MTHFD2L: variants seen among roughly 807,000 people sequenced by gnomAD.
The protein encoded by MTHFD2L is methylenetetrahydrofolate dehydrogenase (NADP+ dependent) 2 like.
MTHFD2L carries 29 observed loss-of-function variants against 34.9 expected under a neutral mutation model. The ratio of observed to expected loss-of-function variants is 0.83; its 90% CI spans 0.62 to 1.13. The LOEUF (loss-of-function observed/expected upper bound fraction) is 1.13, where lower values mean the gene tolerates loss of function less well. Ranked by LOEUF, MTHFD2L falls within the 50% of genes most tolerant of loss-of-function variation. MTHFD2L has a pLI of 0.00. For missense variants in MTHFD2L, 481 were observed against 446.5 expected (o/e 1.08, Z -0.70); for synonymous variants, 167 against 155.7 (o/e 1.07, Z -0.54).
chr4:74,225,083 C>T (rs542959000), intron 5 of MTHFD2L, among the ~76,000 whole-genome samples: 2 of 152,096 alleles, frequency 1.3e-5, no homozygotes, highest in African/African-American at 4.8e-5. Flanking sequence ...CGGCACTTAC[C>T]CTAATTTGGT....
intron 6 of MTHFD2L, among the ~76,000 whole-genome samples, chr4:74,248,071 G>T (rs1742749834): frequency 6.6e-6 from 1 of 151,858 alleles, no homozygotes; most frequent in Non-Finnish European, 1.5e-5. Context: ...GTTCCTCCTT[G>T]TACCTCTGGT....
chr4:74,235,277 A>G (rs1740682937), intron 6 of MTHFD2L, among the ~76,000 whole-genome samples: 1 of 152,192 alleles, frequency 6.6e-6, no homozygotes, highest in Non-Finnish European at 1.5e-5. Flanking sequence ...GTAGTTCTAC[A>G]CTAATACAGG....
intron 6 of MTHFD2L, among the ~76,000 whole-genome samples, chr4:74,264,751 T>A (rs1053426283): frequency 6.6e-6 from 1 of 151,996 alleles, no homozygotes; most frequent in African/African-American, 2.4e-5. Flanking sequence ...ATTGGTTGAG[T>A]TTCAGCAGCG....
intron 6 of MTHFD2L, among the ~76,000 whole-genome samples, chr4:74,251,470 C>T (rs1743300966): frequency 6.6e-6 from 1 of 152,130 alleles, no homozygotes. Flanking sequence ...TCTAATTATC[C>T]CAAACTCTTT....
upstream of MTHFD2L, among the ~76,000 whole-genome samples, chr4:74,154,811 G>A (rs1724145147): frequency 6.6e-6 from 1 of 152,058 alleles, no homozygotes; most frequent in African/African-American, 2.4e-5. Context: ...GTTGTTTTAG[G>A]CATTCTCAGC....
At chr4:74,161,083 T>G (rs1725348508) in intron 1 of MTHFD2L, 2 of 152,250 alleles carry the variant, frequency 1.3e-5, no homozygotes, top group African/African-American at 4.8e-5. Flanking sequence ...AAAAATTGTG[T>G]ACTGCCTACA....
rs554999018 is a variant in MTHFD2L at position 74,282,098 on chromosome 4, C to G, written c.931+548C>G. Among the ~76,000 whole-genome samples the G allele has an allele frequency of 2.9e-3, 448 of 152,036 alleles. 1 individual carries two copies. The highest frequency in any genetic ancestry group is 4.4e-3 in the Non-Finnish European group (297 of 67,972). On this transcript the variant is annotated intron_variant, in intron 7 of 7. Transcript: ENST00000325278. ...AAGTTTTTGTGGTCGATGAAAGATA[C>G]AAGGCAACAAATATGTAGTAGTAAA...
intron 1 of MTHFD2L, among the ~76,000 whole-genome samples, chr4:74,151,879 G>A (rs1056083669): frequency 2.0e-5 from 3 of 151,996 alleles, no homozygotes; most frequent in African/African-American, 4.8e-5. Flanking sequence ...GTCCCTACAG[G>A]TTCATTGTTA....
rs988076266 is a variant in MTHFD2L at position 74,302,305 on chromosome 4, A to G, written c.*496A>G. On this transcript the variant is annotated 3_prime_UTR_variant, in exon 8 of 8. Coordinates refer to ENST00000325278, the MANE Select transcript of MTHFD2L (RefSeq NM_001144978.3). ...TTGAAATATTGAAAATATTGAAAAT[A>G]TTATTATTGAAAATAAAATCTTGAT... 8 of 152,172 alleles carry G rather than the reference A, an allele frequency of 5.3e-5. No individual in the cohort carries two copies. Among genetic ancestry groups the G allele is most frequent in the African/African-American group, 1.9e-4 (8 of 41,468 alleles). 9.4% of individuals were successfully genotyped at this position (152,172 alleles called of 1,614,324 possible).
At chr4:74,185,151 C>CAAAAAAAAAAAAA (rs1169021073) in intron 3 of MTHFD2L, among the ~76,000 whole-genome samples, 1 of 15,980 alleles carries the variant, frequency 6.3e-5, no homozygotes, top group Non-Finnish European at 1.3e-4. Context: ...GACTCCATCT[C>CAAAAAAAAAAAAA]AAAAAAAAAA....
intron 6 of MTHFD2L, among the ~76,000 whole-genome samples, chr4:74,236,787 G>A (rs535680988): frequency 6.6e-6 from 1 of 152,308 alleles, no homozygotes; most frequent in East Asian, 1.9e-4. Flanking sequence ...TATGTCCCAT[G>A]AATATTATCA....
At chr4:74,174,271 C>T (rs1728588384) in intron 1 of MTHFD2L, among the ~76,000 whole-genome samples, 1 of 152,014 alleles carries the variant, frequency 6.6e-6, no homozygotes, top group South Asian at 2.1e-4. Flanking sequence ...GAGACATACA[C>T]ATTCATTTTA....
intron 6 of MTHFD2L, among the ~76,000 whole-genome samples, chr4:74,271,729 G>C (rs1481417280): frequency 1.3e-5 from 2 of 152,044 alleles, no homozygotes; most frequent in South Asian, 2.1e-4. Context: ...AGCTTGATGG[G>C]GATGGCATTG....
intron 1 of MTHFD2L, among the ~76,000 whole-genome samples, chr4:74,163,996 C>T (rs1726062995): frequency 6.6e-6 from 1 of 152,216 alleles, no homozygotes; most frequent in Admixed American, 6.5e-5. Flanking sequence ...CTGCCTCAGT[C>T]TCCCAAGTAG....
At chr4:74,189,197 C>T (rs765952118) in intron 3 of MTHFD2L, among the ~76,000 whole-genome samples, 1 of 152,100 alleles carries the variant, frequency 6.6e-6, no homozygotes, top group Non-Finnish European at 1.5e-5. Context: ...GGTTGTGTCA[C>T]AAGCCCATGA....
At chr4:74,129,648 A>G (rs1161883090) in intron 1 of MTHFD2L, among the ~76,000 whole-genome samples, 1 of 152,188 alleles carries the variant, frequency 6.6e-6, no homozygotes, top group African/African-American at 2.4e-5. Context: ...TCTAAAATCG[A>G]CATCCTAACA....
intron 6 of MTHFD2L, among the ~76,000 whole-genome samples, chr4:74,245,911 T>A (rs1248400924): frequency 6.6e-6 from 1 of 150,532 alleles, no homozygotes; most frequent in Non-Finnish European, 1.5e-5. Context: ...AAGTCTTTGC[T>A]ATTGTGAATA....
At chr4:74,268,535 G>T (rs745465303) in intron 6 of MTHFD2L, among the ~76,000 whole-genome samples, 3 of 152,010 alleles carry the variant, frequency 2.0e-5, no homozygotes, top group Non-Finnish European at 2.9e-5. Flanking sequence ...ACCTTTTCTT[G>T]CTTCACTGAA....
At chr4:74,166,805 C>T (rs904861674) in intron 1 of MTHFD2L, among the ~76,000 whole-genome samples, 5 of 152,170 alleles carry the variant, frequency 3.3e-5, no homozygotes, top group Non-Finnish European at 7.3e-5. Context: ...TGTAAGCCTG[C>T]CCCAGTACCA....
Sources: allele counts gnomAD v4.1 joint callset (sites outside exome capture counted in the v4.1 genomes callset), GRCh38; gene constraint gnomAD v4.1.1; transcripts MANE v1.5; gene names NCBI Gene and HGNC (gene_info 2026-07-23, HGNC 2026-07-21).